OCIAD2: variants seen among roughly 807,000 people sequenced by gnomAD.
OCIAD2 encodes OCIA domain containing 2.
Under a neutral mutation model 22.9 loss-of-function variants are expected in OCIAD2, and 29 were observed. The ratio of observed to expected loss-of-function variants is 1.27; its 90% CI spans 0.94 to 1.73. The LOEUF is 1.73. OCIAD2 is among the 40% of genes most tolerant of loss of function. The probability of loss-of-function intolerance (pLI) is 0.00; values close to 1 mark genes in which losing one functional copy is unlikely to be tolerated. For missense variants in OCIAD2, 189 were observed against 180.3 expected (o/e 1.05, Z -0.28); for synonymous variants, 67 against 60.2 (o/e 1.11, Z -0.52).
intron 4 of OCIAD2, among the ~76,000 whole-genome samples, chr4:48,896,030 TAAAAAACAA>T (rs1382152471): frequency 6.6e-6 from 1 of 152,056 alleles, no homozygotes; most frequent in Non-Finnish European, 1.5e-5. Context: ...AGACTCCATC[TAAAAAACAA>T]ACAAATAGAC....
chr4:48,888,176 A>G (rs533706276), intron 6 of OCIAD2, among the ~76,000 whole-genome samples: 3 of 152,204 alleles, frequency 2.0e-5, no homozygotes, highest in African/African-American at 7.2e-5. Flanking sequence ...TGATTTTTGC[A>G]CATTGATTTT....
chr4:48,887,534 C>A (rs1253337771), intron 6 of OCIAD2, among the ~76,000 whole-genome samples: 4 of 152,164 alleles, frequency 2.6e-5, no homozygotes, highest in Non-Finnish European at 5.9e-5. Flanking sequence ...AGGAAGGGAT[C>A]CAGTTTCAGC....
At chr4:48,896,005 C>T (rs2572346) in intron 4 of OCIAD2, among the ~76,000 whole-genome samples, 10,700 of 152,008 alleles carry the variant, frequency 0.07, 415 homozygotes, top group Non-Finnish European at 0.089. Context: ...GCACTCCAGC[C>T]GGAGCGACAG....
At chr4:48,900,187 T>G (rs1487722153) in intron 2 of OCIAD2, among the ~76,000 whole-genome samples, 1 of 152,190 alleles carries the variant, frequency 6.6e-6, no homozygotes, top group East Asian at 1.9e-4. Context: ...GCAGCAGATT[T>G]GCGATCAGGC....
chr4:48,893,638 T>G (rs1190717916), intron 5 of OCIAD2: 1 of 160,096 alleles, frequency 6.2e-6, no homozygotes, highest in African/African-American at 2.4e-5. Flanking sequence ...ATCCTGCCAG[T>G]CCCTCTTAGT....
chr4:48,885,609 T>C, intron 6 of OCIAD2, 44 bp from the exon 7 acceptor site: 1 of 973,536 alleles, frequency 1.0e-6, no homozygotes, highest in Non-Finnish European at 1.7e-6. Context: ...ACTTTGACAC[T>C]GGAAGCCCTA....
At chr4:48,903,857 G>A (rs1207066593) in intron 2 of OCIAD2, among the ~76,000 whole-genome samples, 1 of 151,878 alleles carries the variant, frequency 6.6e-6, no homozygotes, top group African/African-American at 2.4e-5. Flanking sequence ...ATGTTGGCCA[G>A]GATGGTCTCG....
At chr4:48,905,105 A>G (rs10938545) in intron 1 of OCIAD2, among the ~76,000 whole-genome samples, 149,422 of 152,210 alleles carry the variant, frequency 0.98, 73,403 homozygotes, top group East Asian at 1. Context: ...GGAAGGTGGT[A>G]CACTAGTCCA....
chr4:48,887,059 T>A (rs1212160318), intron 6 of OCIAD2, among the ~76,000 whole-genome samples: 2 of 152,240 alleles, frequency 1.3e-5, no homozygotes, highest in African/African-American at 4.8e-5. Flanking sequence ...GGTATCTCAT[T>A]GTGGTTTTGA....
At chr4:48,886,948 G>A (rs1465699297) in intron 6 of OCIAD2, among the ~76,000 whole-genome samples, 6 of 152,170 alleles carry the variant, frequency 3.9e-5, no homozygotes, top group Non-Finnish European at 7.3e-5. Context: ...CTAGTTTACA[G>A]TCCCACCAAC....
At chr4:48,890,625 C>T (rs1349070556) in intron 6 of OCIAD2, among the ~76,000 whole-genome samples, 4 of 152,138 alleles carry the variant, frequency 2.6e-5, no homozygotes, top group African/African-American at 4.8e-5. Flanking sequence ...TGCACAGGTT[C>T]GTTCTAGAAT....
At chr4:48,896,116 GA>G (rs1231098888) in intron 4 of OCIAD2, among the ~76,000 whole-genome samples, 1 of 152,056 alleles carries the variant, frequency 6.6e-6, no homozygotes, top group Admixed American at 6.5e-5. Context: ...AAAATGATCT[GA>G]AAAATGCTAT....
intron 3 of OCIAD2, among the ~76,000 whole-genome samples, chr4:48,899,183 A>C (rs1177484631): frequency 6.6e-6 from 1 of 152,194 alleles, no homozygotes; most frequent in African/African-American, 2.4e-5. Flanking sequence ...GCAAAATATC[A>C]AGACTGTATC....
chr4:48,904,671 G>C, intron 1 of OCIAD2, 60 bp from the exon 2 acceptor site: 1 of 895,746 alleles, frequency 1.1e-6, no homozygotes, highest in Non-Finnish European at 1.8e-6. Flanking sequence ...AAGCTTAAAA[G>C]CATCCTGAGG....
intron 6 of OCIAD2, among the ~76,000 whole-genome samples, chr4:48,891,049 T>C (rs1781167334): frequency 6.6e-6 from 1 of 152,180 alleles, no homozygotes. Flanking sequence ...ATAGGATGTA[T>C]TTATGGTTCC....
At chr4:48,903,597 G>A (rs1560462028) in intron 2 of OCIAD2, among the ~76,000 whole-genome samples, 1 of 150,216 alleles carries the variant, frequency 6.7e-6, no homozygotes, top group African/African-American at 2.4e-5. Flanking sequence ...CTAAGAGTTA[G>A]TAAGGCTGGA....
intron 2 of OCIAD2, 39 bp downstream of exon 2, chr4:48,904,445 T>C: frequency 1.3e-6 from 2 of 1,562,644 alleles, no homozygotes; most frequent in Non-Finnish European, 1.8e-6. Flanking sequence ...TGAGATCGTG[T>C]CTCAATCAAT....
chr4:48,888,784 G>C (rs1278986462), intron 6 of OCIAD2, among the ~76,000 whole-genome samples: 1 of 152,128 alleles, frequency 6.6e-6, no homozygotes, highest in Non-Finnish European at 1.5e-5. Context: ...CAGGGATATT[G>C]GTCTAAAATT....
At chr4:48,896,376 G>A (rs1042684739) in intron 4 of OCIAD2, among the ~76,000 whole-genome samples, 1 of 152,052 alleles carries the variant, frequency 6.6e-6, no homozygotes, top group African/African-American at 2.4e-5. Flanking sequence ...GATCACAAGA[G>A]CTCAGGAGTT....
Sources: allele counts gnomAD v4.1 joint callset (sites outside exome capture counted in the v4.1 genomes callset), GRCh38; gene constraint gnomAD v4.1.1; transcripts MANE v1.5; gene names NCBI Gene and HGNC (gene_info 2026-07-23, HGNC 2026-07-21).